DRC11L: variants seen among roughly 807,000 people sequenced by gnomAD.
DRC11L encodes the protein dynein regulatory complex subunit like-11.
the DRC11L span, chr7:151,197,868 G>C: frequency 5.0e-6 from 2 of 399,374 alleles, no homozygotes; most frequent in Non-Finnish European, 8.8e-6. Flanking sequence ...TCCACCTGAA[G>C]ACGCATCTGG....
At chr7:151,203,512 A>T in the DRC11L span, 1 of 398,996 alleles carries the variant, frequency 2.5e-6, no homozygotes, top group South Asian at 1.3e-4. Context: ...CCTCCAGGTC[A>T]GCCTTTGGAG....
the DRC11L span, chr7:151,198,670 T>G: frequency 2.5e-6 from 1 of 396,474 alleles, no homozygotes; most frequent in East Asian, 3.6e-5. Flanking sequence ...GACCTGGGGG[T>G]AGAGGAGAAA....
chr7:151,203,962 C>T, the DRC11L span, among the ~76,000 whole-genome samples: 1 of 152,198 alleles, frequency 6.6e-6, no homozygotes, highest in African/African-American at 2.4e-5. Context: ...ACTGGAGGCG[C>T]CGCAGAAGCT....
At chr7:151,191,702 G>A in the DRC11L span, 1 of 399,276 alleles carries the variant, frequency 2.5e-6, no homozygotes, top group South Asian at 1.3e-4. Context: ...CAGGAACTCA[G>A]AGGCCACCAG....
At chr7:151,195,027 CTT>C in the DRC11L span, among the ~76,000 whole-genome samples, 2 of 152,184 alleles carry the variant, frequency 1.3e-5, no homozygotes, top group Non-Finnish European at 2.9e-5. Context: ...TGTGAGCTCT[CTT>C]TACCAGACAA....
chr7:151,204,685 G>C, the DRC11L span: 1 of 398,922 alleles, frequency 2.5e-6, no homozygotes, highest in African/African-American at 2.1e-5. Flanking sequence ...TCGAAGCGGC[G>C]CAGCAGCCCC....
the DRC11L span, chr7:151,203,081 G>A: frequency 2.5e-6 from 1 of 399,324 alleles, no homozygotes; most frequent in South Asian, 1.3e-4. Flanking sequence ...TCAGTCCGGT[G>A]CATTCCTGTA....
the DRC11L span, chr7:151,204,794 C>T: frequency 2.5e-6 from 1 of 399,016 alleles, no homozygotes; most frequent in Non-Finnish European, 4.4e-6. Context: ...CCAGCAGCTC[C>T]TGCAGGGTCG....
At chr7:151,200,012 C>G in the DRC11L span, among the ~76,000 whole-genome samples, 213 of 152,352 alleles carry the variant, frequency 1.4e-3, no homozygotes, top group African/African-American at 4.6e-3. Context: ...CCCGTGGCTG[C>G]CAGAGGCTTG....
chr7:151,192,935 AC>A, the DRC11L span: 1 of 398,244 alleles, frequency 2.5e-6, no homozygotes, highest in Non-Finnish European at 4.4e-6. Flanking sequence ...GCAGGGGCTG[AC>A]CTTGGAGCCC....
chr7:151,195,069 C>T, the DRC11L span, among the ~76,000 whole-genome samples: 1 of 152,174 alleles, frequency 6.6e-6, no homozygotes, highest in Non-Finnish European at 1.5e-5. Flanking sequence ...TGACAAGTCC[C>T]TTAATGTCTC....
chr7:151,199,076 A>G, the DRC11L span: 2 of 398,302 alleles, frequency 5.0e-6, no homozygotes, highest in African/African-American at 4.1e-5. The surrounding 1 kb of genome is among the most constrained non-coding windows in gnomAD (Gnocchi z 5.2). Flanking sequence ...TGCAGCCCCC[A>G]GCCTCGGGCA....
chr7:151,192,644 T>G, the DRC11L span: 1 of 398,992 alleles, frequency 2.5e-6, no homozygotes, highest in Non-Finnish European at 4.4e-6. Context: ...AAGGCCCCAG[T>G]GGTTGGGGTT....
the DRC11L span, chr7:151,203,447 C>G: frequency 2.5e-6 from 1 of 399,082 alleles, no homozygotes; most frequent in Admixed American, 4.4e-5. Flanking sequence ...CAGTATCAGC[C>G]CTCGCTCCCG....
chr7:151,191,602 G>A, the DRC11L span: 21 of 399,166 alleles, frequency 5.3e-5, no homozygotes, highest in East Asian at 6.4e-4. Flanking sequence ...CCCCAAGGGC[G>A]CTGCTTACCC....
chr7:151,199,786 C>G, the DRC11L span, among the ~76,000 whole-genome samples: 1 of 152,266 alleles, frequency 6.6e-6, no homozygotes, highest in Non-Finnish European at 1.5e-5. The surrounding 1 kb of genome is among the most constrained non-coding windows in gnomAD (Gnocchi z 5.2). Flanking sequence ...GCCCTTCCCC[C>G]AGGGAGCATG....
chr7:151,190,959 G>A, the DRC11L span: 1 of 400,040 alleles, frequency 2.5e-6, no homozygotes, highest in Non-Finnish European at 4.4e-6. Flanking sequence ...ACTAATCTCA[G>A]GTGCCCGCAA....
chr7:151,192,936 C>T, the DRC11L span: 13 of 398,328 alleles, frequency 3.3e-5, no homozygotes, highest in East Asian at 1.4e-4. Context: ...CAGGGGCTGA[C>T]CTTGGAGCCC....
At chr7:151,199,455 G>A in the DRC11L span, among the ~76,000 whole-genome samples, 30 of 152,188 alleles carry the variant, frequency 2.0e-4, no homozygotes, top group African/African-American at 5.1e-4. The surrounding 1 kb of genome is among the most constrained non-coding windows in gnomAD (Gnocchi z 5.2). Flanking sequence ...AGGCCCGGGC[G>A]GCCGGGCTCA....
Sources: gnomAD v4.1 joint callset for allele counts (sites outside exome capture counted in the v4.1 genomes callset) on GRCh38, gnomAD v4.1.1 for gene constraint, Gnocchi (gnomAD v3.1) non-coding constraint, MANE v1.5 for transcripts, NCBI Gene and HGNC (gene_info 2026-07-23, HGNC 2026-07-21) for gene names.